The following PBX3 variants were observed in gnomAD, a reference collection of about 807,000 sequenced individuals.
PBX3 encodes pre-B-cell leukemia transcription factor 3.
A neutral mutation model predicts 48.5 loss-of-function variants in PBX3; 14 were observed. The ratio of observed to expected loss-of-function variants is 0.29; its 90% CI spans 0.19 to 0.45. PBX3 has a LOEUF of 0.45. Among genes scored for constraint, PBX3 ranks in the 20% least tolerant of loss-of-function variants. The pLI, the probability that PBX3 is intolerant of heterozygous loss-of-function variation, is 1.00. For synonymous variants in PBX3, 210 were observed against 200.3 expected (o/e 1.05, Z -0.41); for missense variants, 386 against 546.7 (o/e 0.71, Z 2.93).
intron 3 of PBX3, among the ~76,000 whole-genome samples, chr9:125,920,664 C>A (rs1841438211): frequency 6.6e-6 from 1 of 152,192 alleles, no homozygotes; most frequent in South Asian, 2.1e-4. Flanking sequence ...TATTGAAATA[C>A]ATTTTTTGCT....
intron 8 of PBX3, among the ~76,000 whole-genome samples, chr9:125,963,610 C>G (rs551696984): frequency 6.6e-6 from 1 of 152,118 alleles, no homozygotes; most frequent in East Asian, 1.9e-4. Flanking sequence ...TTTGTAACTA[C>G]TTCACTACAA....
At chr9:125,949,543 G>T in intron 5 of PBX3, 1 of 1,359,296 alleles carries the variant, frequency 7.4e-7, no homozygotes, top group Non-Finnish European at 9.6e-7. Flanking sequence ...TATATATATA[G>T]TATTCTTTAC....
At chr9:125,793,897 C>T (rs1390082775) in intron 2 of PBX3, among the ~76,000 whole-genome samples, 2 of 151,916 alleles carry the variant, frequency 1.3e-5, no homozygotes, top group Non-Finnish European at 2.9e-5. Flanking sequence ...ATTTAGTGAG[C>T]GATTGTATTT....
intron 2 of PBX3, among the ~76,000 whole-genome samples, chr9:125,758,437 A>C (rs971226388): frequency 1.3e-5 from 2 of 152,186 alleles, no homozygotes; most frequent in African/African-American, 4.8e-5. Flanking sequence ...AATCAGTATG[A>C]GTGCTTTAAC....
At chr9:125,920,414 T>A (rs2132482796) in intron 3 of PBX3, among the ~76,000 whole-genome samples, 1 of 152,322 alleles carries the variant, frequency 6.6e-6, no homozygotes, top group South Asian at 2.1e-4. Flanking sequence ...AGGCCTCCTA[T>A]TGAGCTGGTC....
chr9:125,788,531 AC>A (rs1321480131), intron 2 of PBX3, among the ~76,000 whole-genome samples: 2 of 152,220 alleles, frequency 1.3e-5, no homozygotes, highest in Non-Finnish European at 2.9e-5. Context: ...ATACAAAAAC[AC>A]TAATGTTCCT....
At chr9:125,769,002 C>T (rs905892664) in intron 2 of PBX3, among the ~76,000 whole-genome samples, 7 of 152,254 alleles carry the variant, frequency 4.6e-5, no homozygotes, top group African/African-American at 1.4e-4. Context: ...CAGCTTGCAA[C>T]TCACAGTTAT....
chr9:125,861,652 A>G (rs1174870528), intron 2 of PBX3, among the ~76,000 whole-genome samples: 1 of 152,240 alleles, frequency 6.6e-6, no homozygotes, highest in African/African-American at 2.4e-5. Context: ...GGAATGAAGT[A>G]TTGATACATG....
At chr9:125,831,023 C>T (rs988413697) in intron 2 of PBX3, among the ~76,000 whole-genome samples, 3 of 152,060 alleles carry the variant, frequency 2.0e-5, no homozygotes, top group Non-Finnish European at 2.9e-5. Flanking sequence ...TTCCTCCTGC[C>T]CCCCACCTGT....
At chr9:125,747,732 C>T in intron 1 of PBX3, 79 bp downstream of exon 1, 1 of 1,174,956 alleles carries the variant, frequency 8.5e-7, no homozygotes, top group Non-Finnish European at 1.2e-6. Context: ...CGGGGTGGCG[C>T]CCGGGGCTAG....
chr9:125,911,606 G>A (rs1242949562), intron 2 of PBX3, among the ~76,000 whole-genome samples: 1 of 152,034 alleles, frequency 6.6e-6, no homozygotes, highest in Non-Finnish European at 1.5e-5. Context: ...TGTTTTACAT[G>A]GCACTCTGCT....
At chr9:125,791,841 T>C (rs889165730) in intron 2 of PBX3, among the ~76,000 whole-genome samples, 11 of 149,902 alleles carry the variant, frequency 7.3e-5, no homozygotes, top group Admixed American at 7.3e-4. Flanking sequence ...GAGGCTGAGG[T>C]AGGAGAATGG....
At chr9:125,867,520 A>G (rs1212938316) in intron 2 of PBX3, among the ~76,000 whole-genome samples, 1 of 151,384 alleles carries the variant, frequency 6.6e-6, no homozygotes, top group Admixed American at 6.6e-5. Flanking sequence ...CGCACCTGTA[A>G]TGCCAGCTAC....
At chr9:125,865,321 T>C (rs898648183) in intron 2 of PBX3, 4 of 169,158 alleles carry the variant, frequency 2.4e-5, no homozygotes, top group African/African-American at 9.6e-5. Context: ...TATGTTCTTA[T>C]ATTAGGCCTA....
chr9:125,758,648 C>T (rs1466745864), intron 2 of PBX3, among the ~76,000 whole-genome samples: 1 of 152,060 alleles, frequency 6.6e-6, no homozygotes, highest in Non-Finnish European at 1.5e-5. Context: ...ATTTCTAAAC[C>T]TCTTCTTCCT....
At chr9:125,796,513 A>G (rs1837784509) in intron 2 of PBX3, among the ~76,000 whole-genome samples, 1 of 152,130 alleles carries the variant, frequency 6.6e-6, no homozygotes, top group Admixed American at 6.6e-5. Flanking sequence ...TACCACTATC[A>G]TGGATGTTGT....
At chr9:125,954,515 AC>A (rs1842260519) in intron 5 of PBX3, among the ~76,000 whole-genome samples, 1 of 152,148 alleles carries the variant, frequency 6.6e-6, no homozygotes, top group African/African-American at 2.4e-5. Flanking sequence ...AAAATTTTAG[AC>A]TTGAAGAGCA....
intron 2 of PBX3, among the ~76,000 whole-genome samples, chr9:125,874,557 TATCA>T (rs1268681771): frequency 6.6e-6 from 1 of 152,180 alleles, no homozygotes; most frequent in Non-Finnish European, 1.5e-5. Context: ...TGAACAATAC[TATCA>T]ATCAGCTTGA....
chr9:125,864,835 C>G (rs1226906746), intron 2 of PBX3, among the ~76,000 whole-genome samples: 1 of 152,172 alleles, frequency 6.6e-6, no homozygotes, highest in Non-Finnish European at 1.5e-5. Flanking sequence ...CGGTCCGTGA[C>G]TTGGGGATTG....
Sources: gnomAD v4.1 joint callset for allele counts (sites outside exome capture counted in the v4.1 genomes callset) on GRCh38, gnomAD v4.1.1 for gene constraint, MANE v1.5 for transcripts, NCBI Gene and HGNC (gene_info 2026-07-23, HGNC 2026-07-21) for gene names.